The following ANK2 variants were observed in gnomAD, a reference collection of about 807,000 sequenced individuals.
ANK2 encodes the protein ankyrin-2.
ANK2 carries 83 observed loss-of-function variants against 360.5 expected under a neutral mutation model. The observed-to-expected ratio is 0.23, with a 90% CI of 0.19 to 0.28. ANK2 has a LOEUF of 0.28. Ranked by LOEUF, ANK2 falls within the 10% of genes least tolerant of loss-of-function variation. ANK2 has a pLI of 1.00. For synonymous variants in ANK2, 1,740 were observed against 1,759.5 expected, an observed-to-expected ratio of 0.99 and a Z score of 0.28; for missense variants, 4,201 against 4,795.7, an observed-to-expected ratio of 0.88 and a Z score of 3.66.
chr4:113,103,119 A>G (rs771061768), intron 1 of ANK2, among the ~76,000 whole-genome samples: 4 of 152,146 alleles, frequency 2.6e-5, no homozygotes, highest in Non-Finnish European at 5.9e-5. Flanking sequence ...ATCATGCTCA[A>G]CATAAATGTA....
At chr4:113,367,968 C>A in intron 42 of ANK2, 117 bp downstream of exon 42, 1 of 1,243,866 alleles carries the variant, frequency 8.0e-7, no homozygotes, top group South Asian at 1.3e-5. Flanking sequence ...CCCTACCAAA[C>A]ACAAGTGCCA....
At chr4:112,829,491 C>CAAAAAAAAAAAGAAAAAAAAAA (rs2059201162) in intron 1 of ANK2, among the ~76,000 whole-genome samples, 1 of 60,728 alleles carries the variant, frequency 1.6e-5, no homozygotes, top group Admixed American at 1.7e-4. Flanking sequence ...CCCATCTCTA[C>CAAAAAAAAAAAGAAAAAAAAAA]AAAAAAAAAA....
chr4:113,354,179 ACTC>A lies in ANK2; in HGVS notation c.5562_5564del (p.His1854_Ser1855delinsGln). 1 of 1,613,796 alleles carries A rather than the reference ACTC, an allele frequency of 6.2e-7. No homozygotes were observed. The highest frequency in any genetic ancestry group is 8.5e-7 in the Non-Finnish European group (1 of 1,179,882). ...TCACCATCAAGTAAAACTGAGAAAC[ACTC>A]ACCTGTGTCACCCTCTGCAAAAACG... On this transcript the variant is annotated inframe_deletion, in exon 38 of 46. Coordinates refer to ENST00000357077, the MANE Select transcript of ANK2 (RefSeq NM_001148.6).
intron 1 of ANK2, among the ~76,000 whole-genome samples, chr4:113,127,110 A>G (rs940001866): frequency 2.6e-5 from 4 of 151,854 alleles, no homozygotes; most frequent in East Asian, 3.9e-4. Flanking sequence ...ACTTACAATC[A>G]AACAGAAGCT....
intron 1 of ANK2, among the ~76,000 whole-genome samples, chr4:113,098,126 C>T (rs1182994256): frequency 6.6e-6 from 1 of 150,972 alleles, no homozygotes. Context: ...GATTAAAATC[C>T]ATCAATCTAA....
chr4:113,268,704 A>G (rs1481548420), intron 14 of ANK2, among the ~76,000 whole-genome samples: 3 of 152,068 alleles, frequency 2.0e-5, no homozygotes, highest in Admixed American at 1.3e-4. Flanking sequence ...TTGTCCTGAA[A>G]TTTTCTTTTT....
chr4:113,099,444 G>T (rs1409514771), intron 1 of ANK2, among the ~76,000 whole-genome samples: 1 of 151,850 alleles, frequency 6.6e-6, no homozygotes, highest in Non-Finnish European at 1.5e-5. Flanking sequence ...ACATGTATAA[G>T]ATATATATGA....
intron 1 of ANK2, among the ~76,000 whole-genome samples, chr4:112,886,905 A>G (rs949480979): frequency 2.6e-5 from 4 of 152,232 alleles, no homozygotes; most frequent in Non-Finnish European, 5.9e-5. Flanking sequence ...AATGCAGTCA[A>G]TAGAAACAGA....
chr4:112,791,646 G>A, the ANK2 span, among the ~76,000 whole-genome samples: 5 of 100,672 alleles, frequency 5.0e-5, no homozygotes, highest in South Asian at 3.4e-4. Flanking sequence ...CCGCCACCAC[G>A]CCCAGTTAAT....
intron 1 of ANK2, chr4:113,160,353 A>C: frequency 2.4e-6 from 1 of 420,990 alleles, no homozygotes; most frequent in South Asian, 1.7e-5. Context: ...GGCATGAGTC[A>C]CCACATCCAG....
At chr4:112,754,895 T>C in the ANK2 span, among the ~76,000 whole-genome samples, 6 of 151,996 alleles carry the variant, frequency 3.9e-5, no homozygotes, top group Admixed American at 3.3e-4. Context: ...CCCCTAGAAA[T>C]AGAGACACTG....
intron 1 of ANK2, among the ~76,000 whole-genome samples, chr4:113,067,583 G>C (rs564111600): frequency 6.6e-6 from 1 of 152,248 alleles, no homozygotes; most frequent in African/African-American, 2.4e-5. Context: ...TTGAAATCAC[G>C]AGTAATAAAA....
chr4:112,822,074 C>CT (rs1240303481), intron 1 of ANK2, among the ~76,000 whole-genome samples: 1 of 151,842 alleles, frequency 6.6e-6, no homozygotes, highest in African/African-American at 2.4e-5. Flanking sequence ...AATGTTCTTT[C>CT]TTTATACAAA....
intron 40 of ANK2, among the ~76,000 whole-genome samples, chr4:113,363,872 C>T (rs970416358): frequency 5.9e-5 from 9 of 152,112 alleles, no homozygotes; most frequent in African/African-American, 2.2e-4. Flanking sequence ...ATGCAAAGTG[C>T]TCTGAGCTGC....
At chr4:113,088,094 A>G (rs1034316739) in intron 1 of ANK2, among the ~76,000 whole-genome samples, 4 of 152,206 alleles carry the variant, frequency 2.6e-5, no homozygotes, top group African/African-American at 7.2e-5. Flanking sequence ...TAATCAATCC[A>G]TAAGTGTTAT....
chr4:113,367,465 T>A, intron 41 of ANK2, 101 bp from the exon 42 acceptor site: 1 of 1,142,266 alleles, frequency 8.8e-7, no homozygotes, highest in Non-Finnish European at 1.3e-6. Flanking sequence ...TGTAGCACAT[T>A]TATCTTCTTA....
chr4:112,927,823 A>G (rs1293121521), intron 2 of ANK2, among the ~76,000 whole-genome samples: 2 of 152,236 alleles, frequency 1.3e-5, no homozygotes, highest in Non-Finnish European at 2.9e-5. Context: ...GACCTGTTGT[A>G]TGGAGATGTG....
chr4:113,255,922 C>A lies in ANK2; in HGVS notation c.1178C>A (p.Ala393Asp). 2 of 1,614,158 alleles carry A rather than the reference C, an allele frequency of 1.2e-6. No individual in the cohort carries two copies. Among genetic ancestry groups the A allele is most frequent in the Non-Finnish European group, 1.7e-6 (2 of 1,180,022 alleles). ...LLLDKRANPN[A>D]RALNGFTPLH... The stretch of plus-strand genomic sequence containing the variant: ...TTAGACAAGAGAGCCAATCCGAACG[C>A]CAGAGCCCTGGTAAACTTGGCCCAG... Residue 393 changes from alanine (A) to aspartate (D), a missense_variant, in exon 11 of 46, where the codon GCC becomes GAC. By Grantham distance (126) the Ala-to-Asp change is moderately radical. Coordinates refer to ENST00000357077, the MANE Select transcript of ANK2 (RefSeq NM_001148.6).
chr4:112,885,891 G>A (rs1291099415), intron 1 of ANK2, among the ~76,000 whole-genome samples: 1 of 150,574 alleles, frequency 6.6e-6, no homozygotes, highest in Non-Finnish European at 1.5e-5. Flanking sequence ...GTTTTTCTCT[G>A]AGATGGTATT....
Sources: allele counts gnomAD v4.1 joint callset (sites outside exome capture counted in the v4.1 genomes callset), GRCh38; gene constraint gnomAD v4.1.1; transcripts MANE v1.5; gene names NCBI Gene and HGNC (gene_info 2026-07-23, HGNC 2026-07-21).